The following USP22 variants were observed in gnomAD, a reference collection of about 807,000 sequenced individuals.
USP22 encodes the protein ubiquitin specific peptidase 22, also known as ubiquitin carboxyl-terminal hydrolase 22.
A neutral mutation model predicts 68.1 loss-of-function variants in USP22; 22 were observed. The ratio of observed to expected loss-of-function variants is 0.32; its 90% confidence interval spans 0.23 to 0.46. USP22 has a LOEUF of 0.46. USP22 is among the 20% of genes least tolerant of loss of function. The probability of loss-of-function intolerance (pLI) is 1.00; values close to 1 mark genes in which losing one functional copy is unlikely to be tolerated. For synonymous variants in USP22, 279 were observed against 274.2 expected (o/e 1.02, Z -0.17); for missense variants, 433 against 695.8 (o/e 0.62, Z 4.25).
At chr17:21,036,530 G>C (rs1157345610) in intron 1 of USP22, among the ~76,000 whole-genome samples, 1 of 135,446 alleles carries the variant, frequency 7.4e-6, no homozygotes, top group Non-Finnish European at 1.6e-5. Flanking sequence ...AGGGGGGGGG[G>C]GGTCAAGTCA....
At chr17:21,041,839 T>C (rs1376636609) in intron 1 of USP22, among the ~76,000 whole-genome samples, 2 of 152,256 alleles carry the variant, frequency 1.3e-5, no homozygotes, top group Admixed American at 1.3e-4. Context: ...GACGCAAGAC[T>C]GGGCTCCCCG....
chr17:21,004,118 C>G (rs1329261576), intron 12 of USP22, 84 bp downstream of exon 12: 1 of 1,548,064 alleles, frequency 6.5e-7, no homozygotes, highest in Non-Finnish European at 8.8e-7. Context: ...TGGTTCTAGG[C>G]TCAGACATGG....
At chr17:21,026,080 G>A (rs568291612) in intron 2 of USP22, among the ~76,000 whole-genome samples, 4 of 152,274 alleles carry the variant, frequency 2.6e-5, no homozygotes, top group African/African-American at 9.6e-5. Context: ...CCAACATGGT[G>A]AAACCCCATC....
chr17:21,038,739 G>A, intron 1 of USP22, among the ~76,000 whole-genome samples: 1 of 151,656 alleles, frequency 6.6e-6, no homozygotes, highest in East Asian at 1.9e-4. Flanking sequence ...TAAAATTTTA[G>A]ATTCAAAGAG....
Position 21,011,151 on chromosome 17 carries a change from C to T in USP22, c.1103G>A (p.Arg368Gln), listed in dbSNP as rs1477423920. 1.9e-6 allele frequency: 3 copies of T among 1,584,874 alleles called. No individual in the cohort carries two copies. The highest frequency in any genetic ancestry group is 2.6e-6 in the Non-Finnish European group (3 of 1,163,582). ...CGCCGTGTGGGTGCAGGCCTCTCAC[C>T]GTCGCAGGCAGTCCGTGAGCGTGGT... The part of the protein sequence containing the change: ...GTTTLTDCLR[R>Q]FTRPEHLGSS... Residue 368 changes from arginine (R) to glutamine (Q), a missense_variant and splice_region_variant, in exon 8 of 13, where the codon CGA (arginine) becomes CAA (glutamine). Arg to Gln is a conservative substitution (Grantham distance 43, BLOSUM62 1). This residue lies in a region of USP22 where 178 missense variants were observed against 351.5 expected (regional missense o/e 0.51). Transcript: ENST00000261497.
rs1214585971 is a variant in USP22 at position 21,015,805 on chromosome 17, T to G, written c.785A>C (p.Asp262Ala). 6.2e-7 allele frequency: 1 copy of G among 1,613,850 alleles called. No individual in the cohort carries two copies. Among genetic ancestry groups the G allele is most frequent in the Non-Finnish European group, 8.5e-7 (1 of 1,180,024 alleles). Residue 262 changes from aspartate to alanine, a missense_variant, in exon 6 of 13, where the codon GAC becomes GCC. Physicochemically the swap from Asp to Ala is moderately radical, Grantham distance 126. This residue lies in a region of USP22 where 178 missense variants were observed against 351.5 expected (regional missense o/e 0.51). Transcript: ENST00000261497. The part of the protein sequence containing the change: ...ARHLAGYEQQ[D>A]AHEFLIAALD... ...GGCCGCGATGAGGAACTCGTGGGCG[T>G]CCTGCTGCTCGTAGCCTGCTAGGTG...
intron 1 of USP22, among the ~76,000 whole-genome samples, chr17:21,034,695 G>T (rs534275860): frequency 6.6e-6 from 1 of 152,018 alleles, no homozygotes; most frequent in Non-Finnish European, 1.5e-5. Context: ...ATGTGATCAC[G>T]GATAAAAGTG....
At chr17:21,039,445 C>T (rs775662791) in intron 1 of USP22, among the ~76,000 whole-genome samples, 19 of 151,888 alleles carry the variant, frequency 1.3e-4, no homozygotes, top group South Asian at 4.1e-4. Flanking sequence ...GGCATGGTGG[C>T]GCATGCCTGT....
Position 21,009,971 on chromosome 17 carries a change from T to TA in USP22, c.1103+1179_1103+1180insT, listed in dbSNP as rs1491411846. Among the ~76,000 whole-genome samples, 954 of 109,032 alleles carry TA rather than the reference T, an allele frequency of 8.7e-3. 9 individuals are homozygous for TA. The highest frequency in any genetic ancestry group is 0.03 in the African/African-American group (890 of 30,000). The allele number at this position is 109,032 out of a possible 152,430, so 71.5% of individuals were successfully genotyped here. A position where few individuals can be genotyped will look rare whatever the true frequency, so the allele number is the denominator to read the frequency against. On this transcript the variant is annotated intron_variant, in intron 8 of 12. Transcript: ENST00000261497. Reference sequence around the variant, plus strand: ...GAGACTCCGTCTCAAAAAAAAAAAATTAAAAAAAAAAAAATCACAAAATCA... The same window carrying TA: ...GAGACTCCGTCTCAAAAAAAAAAAATATAAAAAAAAAAAAATCACAAAATCA...
chr17:21,021,043 T>C, intron 3 of USP22, 70 bp downstream of exon 3: 1 of 1,280,462 alleles, frequency 7.8e-7, no homozygotes, highest in Non-Finnish European at 1.1e-6. Flanking sequence ...CTCTTTCTCC[T>C]ACTGGGTCTG....
chr17:21,019,492 A>T (rs994834644), intron 3 of USP22, among the ~76,000 whole-genome samples: 3 of 152,260 alleles, frequency 2.0e-5, no homozygotes, highest in South Asian at 4.1e-4. Flanking sequence ...ATCCTTCAGC[A>T]CAGAGATGGC....
intron 5 of USP22, among the ~76,000 whole-genome samples, chr17:21,016,279 C>T (rs1914130088): frequency 2.6e-5 from 4 of 152,352 alleles, no homozygotes; most frequent in Middle Eastern, 3.4e-3. Flanking sequence ...AAGCACATCA[C>T]TGTGATTATG....
chr17:21,002,738 C>A lies in USP22; in HGVS notation c.*293G>T, dbSNP rs1280267382. On this transcript the variant is annotated 3_prime_UTR_variant, in exon 13 of 13. Transcript: ENST00000261497. ...TCTGTGCTGTGAGGCCCCCGTTGCA[C>A]CCCCATGTCATGACACAAGAGATGT... The A allele has an allele frequency of 5.1e-6, 2 of 389,390 alleles. No individual in the cohort carries two copies. Among genetic ancestry groups the A allele is most frequent in the African/African-American group, 2.1e-5 (1 of 48,326 alleles). The allele number at this position is 389,390 out of a possible 1,614,324, so 24.1% of individuals were successfully genotyped here. A position where few individuals can be genotyped will look rare whatever the true frequency, so the allele number is the denominator to read the frequency against.
chr17:21,015,727 G>A (rs776676684), intron 6 of USP22, 25 bp downstream of exon 6: 7 of 1,595,260 alleles, frequency 4.4e-6, no homozygotes, highest in African/African-American at 1.3e-5. Flanking sequence ...CTGCCCTGGT[G>A]GAGGGTGCAG....
In USP22 at chr17:21,008,127, G is replaced by T. The variant is rs563062603; in HGVS notation, c.1104-131C>A. On this transcript the variant is annotated intron_variant, in intron 8 of 12. Coordinates refer to ENST00000261497, the MANE Select transcript of USP22 (RefSeq NM_015276.2). The stretch of plus-strand genomic sequence containing the variant: ...AAAACATACACTTACAACTAAAAAT[G>T]AAACAATGAAAAAAAGAGAAAATGT... 13 of 1,127,132 alleles carry T rather than the reference G, an allele frequency of 1.2e-5. No individual in the cohort carries two copies. The African/African-American group carries it at 1.9e-4, about 16-fold the overall frequency. 69.8% of individuals were successfully genotyped at this position (1,127,132 alleles called of 1,614,324 possible). A position where few individuals can be genotyped will look rare whatever the true frequency, so the allele number is the denominator to read the frequency against.
chr17:21,028,464 T>G, intron 2 of USP22, 78 bp downstream of exon 2: 1 of 1,566,446 alleles, frequency 6.4e-7, no homozygotes, highest in Non-Finnish European at 8.7e-7. Context: ...TTTGGAAGAG[T>G]GGAACTGCAA....
intron 2 of USP22, among the ~76,000 whole-genome samples, chr17:21,023,282 A>C (rs7219244): frequency 0.75 from 114,482 of 152,070 alleles, 43,528 homozygotes; most frequent in South Asian, 0.82. Context: ...ACACCAAACC[A>C]CTGAATAATA....
At chr17:21,019,262 G>A in intron 3 of USP22, 77 bp from the exon 4 acceptor site, 1 of 1,420,374 alleles carries the variant, frequency 7.0e-7, no homozygotes, top group Non-Finnish European at 9.9e-7. Flanking sequence ...AAAAGCTGTG[G>A]CGCTATGCTG....
At chr17:21,023,828 TC>T (rs979879888) in intron 2 of USP22, among the ~76,000 whole-genome samples, 3 of 152,070 alleles carry the variant, frequency 2.0e-5, no homozygotes, top group African/African-American at 4.8e-5. Context: ...AGCCTCAGTT[TC>T]CCCTGCGGTA....
Sources: gnomAD v4.1 joint callset for allele counts (sites outside exome capture counted in the v4.1 genomes callset) on GRCh38, gnomAD v4.1.1 for gene constraint, gnomAD v4.1.1 regional missense constraint, MANE v1.5 for transcripts, NCBI Gene and HGNC (gene_info 2026-07-23, HGNC 2026-07-21) for gene names.